Variants in TFEB observed in about 807,000 individuals in gnomAD.
TFEB encodes transcription factor EB.
TFEB carries 12 observed loss-of-function variants against 48.0 expected under a neutral mutation model. The ratio of observed to expected loss-of-function variants is 0.25; its 90% CI spans 0.16 to 0.40. The LOEUF is 0.40. TFEB is among the 10% of genes least tolerant of loss of function. TFEB has a pLI of 1.00. For missense variants in TFEB, 509 were observed against 640.3 expected, an observed-to-expected ratio of 0.79 and a Z score of 2.21; for synonymous variants, 244 against 261.4, an observed-to-expected ratio of 0.93 and a Z score of 0.64.
intron 1 of TFEB, among the ~76,000 whole-genome samples, chr6:41,717,426 G>A (rs918346572): frequency 1.3e-5 from 2 of 152,156 alleles, no homozygotes; most frequent in African/African-American, 2.4e-5. Flanking sequence ...AGTAGAGCAC[G>A]TTCATGTATG....
At chr6:41,707,468 G>A (rs1450026799) in intron 1 of TFEB, among the ~76,000 whole-genome samples, 1 of 152,222 alleles carries the variant, frequency 6.6e-6, no homozygotes, top group Non-Finnish European at 1.5e-5. Context: ...TGGCGTGCCT[G>A]CCTGTGGCCC....
At chr6:41,715,105 A>G (rs182323077) in intron 1 of TFEB, among the ~76,000 whole-genome samples, 1 of 152,288 alleles carries the variant, frequency 6.6e-6, no homozygotes, top group African/African-American at 2.4e-5. Context: ...CTGGCCTCCA[A>G]CCAGGGCCTC....
Position 41,723,357 on chromosome 6 carries a change from ACACT to A in TFEB, c.-23+11989_-23+11992del, listed in dbSNP as rs1461716268. The A allele has an allele frequency of 2.7e-6, 2 of 733,270 alleles. No homozygotes were observed. Among genetic ancestry groups the A allele is most frequent in the Admixed American group, 4.7e-5 (2 of 42,414 alleles). The allele number at this position is 733,270 out of a possible 1,614,324, so 45.4% of individuals were successfully genotyped here. On this transcript the variant is annotated intron_variant, in intron 1 of 8. Coordinates refer to ENST00000373033, the MANE Select transcript of TFEB (RefSeq NM_001271944.2). The surrounding 1 kb of genome is among the most constrained non-coding windows in gnomAD (Gnocchi z 6.0). ...CCAAAGACACCACACGCATGCACAT[ACACT>A]CACACAGATGCACACAGGCTAACAC...
chr6:41,686,411 T>G (rs1357939741), intron 7 of TFEB, 174 bp from the exon 8 acceptor site: 1 of 698,392 alleles, frequency 1.4e-6, no homozygotes, highest in East Asian at 2.7e-5. Context: ...TCCTGGTGAC[T>G]TCTGTTGCCA....
Position 41,689,463 on chromosome 6 carries a change from C to T in TFEB, c.549+268G>A, listed in dbSNP as rs537597046. On this transcript the variant is annotated intron_variant, in intron 4 of 8. Coordinates refer to ENST00000373033, the MANE Select transcript of TFEB (RefSeq NM_001271944.2). The stretch of plus-strand genomic sequence containing the variant: ...TGCCCCTTCGCCAACCTGGAAAGCT[C>T]CCCCCACAGGCCCACTCCGTGTCCC... Among the ~76,000 whole-genome samples, 5 of 152,330 alleles carry T rather than the reference C, an allele frequency of 3.3e-5. No homozygotes were observed. In the South Asian group the frequency reaches 1.0e-3, roughly 32 times the overall value.
In TFEB at chr6:41,730,142, A is replaced by C. The variant is rs965393091; in HGVS notation, c.-23+5208T>G. On this transcript the variant is annotated intron_variant, in intron 1 of 8. Transcript: ENST00000373033. The surrounding 1 kb of genome is among the most constrained non-coding windows in gnomAD (Gnocchi z 4.1). ...TCCCAGAAAAAAAAAAAATTAAATA[A>C]AGATGCCTAGGCCCCTCCCCAAGAG... 6.6e-5 allele frequency among the ~76,000 whole-genome samples: 10 copies of C among 152,276 alleles called. No homozygotes were observed. Among genetic ancestry groups the C allele is most frequent in the Admixed American group, 5.2e-4 (8 of 15,306 alleles).
intron 6 of TFEB, among the ~76,000 whole-genome samples, chr6:41,687,511 T>C (rs1232468677): frequency 2.0e-5 from 3 of 151,750 alleles, no homozygotes; most frequent in Non-Finnish European, 4.4e-5. Flanking sequence ...AAACTGGGGG[T>C]TTCATGAATA....
intron 1 of TFEB, among the ~76,000 whole-genome samples, chr6:41,704,559 T>G (rs747606375): frequency 3.5e-4 from 53 of 152,350 alleles, no homozygotes; most frequent in Middle Eastern, 3.4e-3. Context: ...CTTAAGGCAT[T>G]GCACGCCCTG....
intron 1 of TFEB, among the ~76,000 whole-genome samples, chr6:41,725,062 C>A (rs148303489): frequency 6.6e-6 from 1 of 152,348 alleles, no homozygotes; most frequent in Non-Finnish European, 1.5e-5. Context: ...AGGGCAGCAA[C>A]GCTTGCTATC....
At position 41,722,724 on chromosome 6, in the gene TFEB, T is replaced by A. The variant is rs535624415; in HGVS notation, c.-23+12626A>T. On this transcript the variant is annotated intron_variant, in intron 1 of 8. Coordinates refer to ENST00000373033, the MANE Select transcript of TFEB (RefSeq NM_001271944.2). Reference sequence around the variant, plus strand: ...ATGAGCTCTTACTATCAATCTCAGTTCCAGCTCAAACTTCCACCATCAAAA... The same window carrying A: ...ATGAGCTCTTACTATCAATCTCAGTACCAGCTCAAACTTCCACCATCAAAA... Among the ~76,000 whole-genome samples the A allele has an allele frequency of 2.0e-5, 3 of 152,342 alleles. No individual in the cohort carries two copies. The East Asian group carries it at 5.8e-4, about 29-fold the overall frequency.
At chr6:41,719,171 G>A (rs1221347643) in intron 1 of TFEB, among the ~76,000 whole-genome samples, 2 of 152,108 alleles carry the variant, frequency 1.3e-5, no homozygotes, top group African/African-American at 4.8e-5. Flanking sequence ...TGCTCCTTAG[G>A]AGAATCTAAT....
rs538097580 is a variant in TFEB at position 41,723,513 on chromosome 6, A to G, written c.-23+11837T>C. 3.3e-5 allele frequency: 42 copies of G among 1,288,684 alleles called. No individual in the cohort carries two copies. The African/African-American group carries it at 5.6e-4, about 17-fold the overall frequency. 79.8% of individuals were successfully genotyped at this position (1,288,684 alleles called of 1,614,324 possible). A position where few individuals can be genotyped will look rare whatever the true frequency, so the allele number is the denominator to read the frequency against. On this transcript the variant is annotated intron_variant, in intron 1 of 8. Transcript: ENST00000373033. This position sits in a 1 kb window ranked among gnomAD's most constrained non-coding sequence, Gnocchi z 6.0. Reference sequence around the variant, plus strand: ...GGCCCCTGGAATGCTCAGCTCCTCCAGGGGCCGGAGCCCAGGGCCGCACCC... The same window carrying G: ...GGCCCCTGGAATGCTCAGCTCCTCCGGGGGCCGGAGCCCAGGGCCGCACCC...
chr6:41,714,626 T>C (rs1021984920), intron 1 of TFEB, among the ~76,000 whole-genome samples: 1 of 152,186 alleles, frequency 6.6e-6, no homozygotes, highest in Non-Finnish European at 1.5e-5. Context: ...TTTCTGCCCA[T>C]ATCACCCCTC....
intron 1 of TFEB, chr6:41,705,947 A>G (rs1770194462): frequency 6.6e-6 from 1 of 152,244 alleles, no homozygotes; most frequent in Non-Finnish European, 1.5e-5. Flanking sequence ...CACCCCTGGG[A>G]GAGGCAGCTG....
At chr6:41,726,151 A>G (rs1343719830) in intron 1 of TFEB, among the ~76,000 whole-genome samples, 3 of 152,186 alleles carry the variant, frequency 2.0e-5, no homozygotes. Flanking sequence ...AAATTAACAG[A>G]CTACGGCTAT....
intron 1 of TFEB, among the ~76,000 whole-genome samples, chr6:41,722,041 C>T (rs1934813563): frequency 6.6e-6 from 1 of 152,168 alleles, no homozygotes. Flanking sequence ...TGCAGTGGTG[C>T]AATGTAGGCT....
At chr6:41,687,035 A>C in intron 7 of TFEB, 59 bp downstream of exon 7, 1 of 1,450,732 alleles carries the variant, frequency 6.9e-7, no homozygotes, top group Admixed American at 1.7e-5. Flanking sequence ...AGGGCAGATA[A>C]TACTTGTCAG....
intron 1 of TFEB, among the ~76,000 whole-genome samples, chr6:41,695,880 T>G (rs999894521): frequency 6.6e-6 from 1 of 152,216 alleles, no homozygotes; most frequent in African/African-American, 2.4e-5. Flanking sequence ...GGGCTTCCAG[T>G]CATGTCCAAA....
Position 41,730,339 on chromosome 6 carries a change from A to G in TFEB, c.-23+5011T>C, listed in dbSNP as rs1771400862. On this transcript the variant is annotated intron_variant, in intron 1 of 8. Coordinates refer to ENST00000373033, the MANE Select transcript of TFEB (RefSeq NM_001271944.2). This position sits in a 1 kb window ranked among gnomAD's most constrained non-coding sequence, Gnocchi z 4.1. ...GGGCTACGAGGAGGGAATATGAGCC[A>G]TGGGTTTCTGGATGGAGAGTCTGGT... Among the ~76,000 whole-genome samples, 1 of 152,198 alleles carries G rather than the reference A, an allele frequency of 6.6e-6. No individual in the cohort carries two copies. Among genetic ancestry groups the G allele is most frequent in the Non-Finnish European group, 1.5e-5 (1 of 68,020 alleles).
Sources: gnomAD v4.1 joint callset for allele counts (sites outside exome capture counted in the v4.1 genomes callset) on GRCh38, gnomAD v4.1.1 for gene constraint, Gnocchi (gnomAD v3.1) non-coding constraint, MANE v1.5 for transcripts, NCBI Gene and HGNC (gene_info 2026-07-23, HGNC 2026-07-21) for gene names.